UTRN: variants seen among roughly 807,000 people sequenced by gnomAD.
The protein encoded by UTRN is utrophin, also known as dystrophin-related protein 1.
In UTRN, 283 loss-of-function variants were observed where a neutral mutation model predicts 463.9. The observed-to-expected ratio is 0.61, with a 90% confidence interval of 0.55 to 0.67. The LOEUF is 0.67. Among genes scored for constraint, UTRN ranks in the 30% least tolerant of loss-of-function variants. UTRN has a pLI of 0.00. For missense variants in UTRN, 3,922 were observed against 4,084.3 expected, an observed-to-expected ratio of 0.96 and a Z score of 1.08; for synonymous variants, 1,442 against 1,431.5, an observed-to-expected ratio of 1.01 and a Z score of -0.17.
chr6:144,788,336 A>C (rs999740677), intron 61 of UTRN, among the ~76,000 whole-genome samples: 5 of 152,180 alleles, frequency 3.3e-5, no homozygotes, highest in Admixed American at 1.3e-4. Flanking sequence ...TAATTTGCTG[A>C]ATACTTAAAT....
chr6:144,770,563 T>A (rs1313806534), intron 58 of UTRN, among the ~76,000 whole-genome samples: 1 of 152,054 alleles, frequency 6.6e-6, no homozygotes, highest in Non-Finnish European at 1.5e-5. Flanking sequence ...TAAGGGGCAG[T>A]TAACTCTTTT....
At chr6:144,701,974 A>T (rs180853775) in intron 53 of UTRN, among the ~76,000 whole-genome samples, 2 of 152,308 alleles carry the variant, frequency 1.3e-5, no homozygotes, top group Admixed American at 1.3e-4. Context: ...ATTTAAAATG[A>T]CCGATTTAAG....
chr6:144,821,309 T>TA (rs1030573762), intron 66 of UTRN, among the ~76,000 whole-genome samples: 1 of 152,150 alleles, frequency 6.6e-6, no homozygotes, highest in Non-Finnish European at 1.5e-5. Context: ...CTTTTCTTTT[T>TA]AAAAACACTT....
At chr6:144,338,540 G>A (rs1448156856) in intron 2 of UTRN, among the ~76,000 whole-genome samples, 1 of 152,182 alleles carries the variant, frequency 6.6e-6, no homozygotes, top group Non-Finnish European at 1.5e-5. Flanking sequence ...AGGGAGCTGT[G>A]TGAACTGCAT....
chr6:144,424,098 CT>C lies in UTRN; in HGVS notation c.405+25del. ...TGGCAGGTGGGGAAATTTCCAATCA[CT>C]TTTTAATAGAGATGGAAAATGTGTT... On this transcript the variant is annotated intron_variant, in intron 6 of 74. Transcript: ENST00000367545. The C allele has an allele frequency of 6.2e-7, 1 of 1,608,148 alleles. No individual in the cohort carries two copies.
At chr6:144,523,380 G>C (rs1380591708) in intron 41 of UTRN, among the ~76,000 whole-genome samples, 192 bp downstream of exon 41, 1 of 152,120 alleles carries the variant, frequency 6.6e-6, no homozygotes, top group Non-Finnish European at 1.5e-5. Flanking sequence ...CATGATCTCA[G>C]CTCACTGCAA....
chr6:144,632,253 A>G (rs1776607594), intron 51 of UTRN, among the ~76,000 whole-genome samples: 2 of 152,172 alleles, frequency 1.3e-5, no homozygotes, highest in Non-Finnish European at 2.9e-5. Context: ...CATATTGTCT[A>G]TATTCTGTTC....
intron 38 of UTRN, among the ~76,000 whole-genome samples, 199 bp from the exon 39 acceptor site, chr6:144,516,612 T>G (rs1423405696): frequency 6.6e-6 from 1 of 151,954 alleles, no homozygotes; most frequent in Non-Finnish European, 1.5e-5. Context: ...TATCTAATGT[T>G]TGCTAAACTC....
At chr6:144,317,730 T>C (rs1306720110) in intron 2 of UTRN, among the ~76,000 whole-genome samples, 1 of 152,236 alleles carries the variant, frequency 6.6e-6, no homozygotes, top group Non-Finnish European at 1.5e-5. Context: ...ACCAAATTGT[T>C]GTAATAGAGA....
Position 144,557,211 on chromosome 6 carries a change from GTCCTGCAGAAAC to G in UTRN, c.7195_7206del (p.Gln2399_Leu2402del). On this transcript the variant is annotated inframe_deletion, in exon 50 of 75. Transcript: ENST00000367545. ...TGGTATCGTCATGGCGTTCGATAAC[GTCCTGCAGAAAC>G]TCCTGGAGGAATATGGGAGTGATGA... 6.2e-7 allele frequency: 1 copy of G among 1,613,934 alleles called. No homozygotes were observed. Among genetic ancestry groups the G allele is most frequent in the South Asian group, 1.1e-5 (1 of 91,066 alleles).
chr6:144,481,459 T>A (rs983718027), intron 26 of UTRN, among the ~76,000 whole-genome samples: 1 of 152,252 alleles, frequency 6.6e-6, no homozygotes. Context: ...CATGTGCCTA[T>A]GTTCTATAAT....
intron 51 of UTRN, among the ~76,000 whole-genome samples, chr6:144,621,626 A>G (rs1357317756): frequency 1.3e-5 from 2 of 152,176 alleles, no homozygotes; most frequent in Non-Finnish European, 1.5e-5. Flanking sequence ...TAGCCTGTGT[A>G]TGTGAAACAG....
intron 62 of UTRN, among the ~76,000 whole-genome samples, chr6:144,789,721 C>T (rs1776599134): frequency 6.6e-6 from 1 of 152,118 alleles, no homozygotes; most frequent in South Asian, 2.1e-4. Context: ...TTTCTTTATA[C>T]TTCCAATGCT....
At chr6:144,589,208 A>G (rs962312019) in intron 51 of UTRN, among the ~76,000 whole-genome samples, 4 of 152,212 alleles carry the variant, frequency 2.6e-5, no homozygotes, top group Non-Finnish European at 4.4e-5. Flanking sequence ...TTTTAACAGA[A>G]TTGAGAGAAA....
chr6:144,816,324 A>T, intron 65 of UTRN, among the ~76,000 whole-genome samples: 1 of 152,300 alleles, frequency 6.6e-6, no homozygotes, highest in African/African-American at 2.4e-5. Context: ...GAGTGATAAA[A>T]CTATTTTTGA....
intron 58 of UTRN, 175 bp downstream of exon 58, chr6:144,758,164 TC>T (rs1792219385): frequency 1.9e-6 from 1 of 526,890 alleles, no homozygotes; most frequent in African/African-American, 2.0e-5. Flanking sequence ...ATTATATTTT[TC>T]ATGTATCAGA....
At chr6:144,740,941 A>G (rs577432473) in intron 54 of UTRN, among the ~76,000 whole-genome samples, 2 of 152,312 alleles carry the variant, frequency 1.3e-5, no homozygotes, top group East Asian at 3.9e-4. Context: ...AAAGATGGCA[A>G]TCGTTTACAC....
chr6:144,847,101 T>C (rs767267113), intron 74 of UTRN, among the ~76,000 whole-genome samples: 1 of 152,196 alleles, frequency 6.6e-6, no homozygotes, highest in African/African-American at 2.4e-5. Context: ...TCACTCTAGA[T>C]AGATTTGACC....
At chr6:144,730,204 A>G (rs747333380) in intron 53 of UTRN, among the ~76,000 whole-genome samples, 153 bp from the exon 54 acceptor site, 4 of 152,314 alleles carry the variant, frequency 2.6e-5, no homozygotes, top group Middle Eastern at 3.4e-3. Flanking sequence ...ATTCATATCT[A>G]TAAAATTTAC....
Sources: gnomAD v4.1 joint callset for allele counts (sites outside exome capture counted in the v4.1 genomes callset) on GRCh38, gnomAD v4.1.1 for gene constraint, MANE v1.5 for transcripts, NCBI Gene and HGNC (gene_info 2026-07-23, HGNC 2026-07-21) for gene names.